Variants in STAU2 observed in about 807,000 individuals in gnomAD.
STAU2 encodes the protein double-stranded RNA-binding protein Staufen homolog 2.
STAU2 carries 20 observed loss-of-function variants against 65.9 expected under a neutral mutation model. That is an observed-to-expected ratio of 0.30 (90% CI 0.21 to 0.44). The LOEUF (loss-of-function observed/expected upper bound fraction) is 0.44, where lower values mean the gene tolerates loss of function less well. Ranked by LOEUF, STAU2 falls within the 20% of genes least tolerant of loss-of-function variation. The probability of loss-of-function intolerance (pLI) is 1.00; values close to 1 mark genes in which losing one functional copy is unlikely to be tolerated. For synonymous variants in STAU2, 232 were observed against 233.9 expected (o/e 0.99, Z 0.07); for missense variants, 558 against 683.9 (o/e 0.82, Z 2.05).
At chr8:73,591,882 T>TTAAAAA (rs1810806186) in intron 11 of STAU2, among the ~76,000 whole-genome samples, 1 of 28,460 alleles carries the variant, frequency 3.5e-5, no homozygotes, top group Non-Finnish European at 6.5e-5. Context: ...ATCCCAGAGG[T>TTAAAAA]AAAAAAAAAA....
chr8:73,465,638 A>G (rs944943432), intron 13 of STAU2, among the ~76,000 whole-genome samples: 1 of 152,126 alleles, frequency 6.6e-6, no homozygotes, highest in Non-Finnish European at 1.5e-5. Flanking sequence ...GATGCTGAAC[A>G]CCAATCATTC....
rs181987358 is a variant in STAU2 at position 73,487,795 on chromosome 8, G to T, written c.1530+64217C>A. On this transcript the variant is annotated intron_variant, in intron 13 of 14. Transcript: ENST00000524300. Reference sequence around the variant, plus strand: ...CTACCACAAAAGAAAACCAAAATTTGGGATCCAAGAAAGGAGAGGTTAAGT... The same window carrying T: ...CTACCACAAAAGAAAACCAAAATTTTGGATCCAAGAAAGGAGAGGTTAAGT... Among the ~76,000 whole-genome samples, 131 of 151,980 alleles carry T rather than the reference G, an allele frequency of 8.6e-4. 3 individuals carry two copies. The highest frequency in any genetic ancestry group is 2.8e-3 in the African/African-American group (118 of 41,478).
At chr8:73,505,990 A>C (rs928868750) in intron 13 of STAU2, among the ~76,000 whole-genome samples, 3 of 151,912 alleles carry the variant, frequency 2.0e-5, no homozygotes, top group African/African-American at 4.8e-5. Flanking sequence ...GCCTGCTCCC[A>C]CTTAGCCTTC....
chr8:73,484,222 A>T (rs1262321006), intron 13 of STAU2, among the ~76,000 whole-genome samples: 1 of 152,178 alleles, frequency 6.6e-6, no homozygotes, highest in African/African-American at 2.4e-5. Context: ...TATAAAAACA[A>T]TGTCAAAAAT....
At chr8:73,639,758 T>A (rs568192548) in intron 6 of STAU2, among the ~76,000 whole-genome samples, 10 of 152,216 alleles carry the variant, frequency 6.6e-5, no homozygotes, top group African/African-American at 2.4e-4. Context: ...ATTATTTTTA[T>A]CTCTCCCAAA....
chr8:73,738,891 G>A (rs1204617110), intron 2 of STAU2, among the ~76,000 whole-genome samples: 1 of 152,146 alleles, frequency 6.6e-6, no homozygotes, highest in Non-Finnish European at 1.5e-5. Context: ...TTATCTTGCT[G>A]AATAGTTTCT....
At chr8:73,743,216 G>A (rs1419825155) in intron 1 of STAU2, among the ~76,000 whole-genome samples, 2 of 150,556 alleles carry the variant, frequency 1.3e-5, no homozygotes, top group African/African-American at 2.4e-5. Context: ...AAATAACACA[G>A]GCCAGAAAAA....
At chr8:73,688,553 A>G (rs1819113356) in intron 5 of STAU2, 101 bp downstream of exon 5, 3 of 1,217,236 alleles carry the variant, frequency 2.5e-6, no homozygotes, top group South Asian at 1.3e-5. Flanking sequence ...TATGTGTACT[A>G]TTAATACTTG....
Position 73,485,728 on chromosome 8 carries a change from G to T in STAU2, c.1531-63026C>A, listed in dbSNP as rs75802329. Among the ~76,000 whole-genome samples, 871 of 152,204 alleles carry T rather than the reference G, an allele frequency of 5.7e-3. 8 individuals carry two copies. The highest frequency in any genetic ancestry group is 6.0e-3 in the South Asian group (29 of 4,826). On this transcript the variant is annotated intron_variant, in intron 13 of 14. Coordinates refer to ENST00000524300, the MANE Select transcript of STAU2 (RefSeq NM_001164380.2). ...ACAAGCCTATAGTCCCAGCTACTCA[G>T]GAGGCTGAGGCAGGAGGACTACTTG...
chr8:73,611,926 C>A (rs143763075), intron 9 of STAU2, among the ~76,000 whole-genome samples: 1 of 152,142 alleles, frequency 6.6e-6, no homozygotes, highest in African/African-American at 2.4e-5. Context: ...AAATGATCCA[C>A]CCGCCTCAGC....
intron 13 of STAU2, among the ~76,000 whole-genome samples, chr8:73,482,090 G>T (rs1820662780): frequency 6.6e-6 from 1 of 152,110 alleles, no homozygotes; most frequent in Non-Finnish European, 1.5e-5. Flanking sequence ...TCCGAGGTGT[G>T]GGGCCACACT....
rs188398030 is a variant in STAU2, at chr8:73,564,697, T to C, written c.1223-12378A>G. Among the ~76,000 whole-genome samples the C allele has an allele frequency of 2.0e-3, 310 of 152,174 alleles. 1 individual carries two copies. Among genetic ancestry groups the C allele is most frequent in the African/African-American group, 6.8e-3 (283 of 41,518 alleles). Reference sequence around the variant, plus strand: ...AAAAAAAGAAAATATACTCAGTGGGTCCTCAAATAATGTTGTTTTGTTCAA... The same window carrying C: ...AAAAAAAGAAAATATACTCAGTGGGCCCTCAAATAATGTTGTTTTGTTCAA... On this transcript the variant is annotated intron_variant, in intron 12 of 14. Coordinates refer to ENST00000524300, the MANE Select transcript of STAU2 (RefSeq NM_001164380.2).
chr8:73,459,728 G>A (rs16938663), intron 13 of STAU2, among the ~76,000 whole-genome samples: 2 of 152,086 alleles, frequency 1.3e-5, no homozygotes, highest in Admixed American at 1.3e-4. Context: ...TCACACCCAC[G>A]CTGTTGTCAC....
intron 13 of STAU2, among the ~76,000 whole-genome samples, chr8:73,466,235 G>C (rs748838153): frequency 1.3e-5 from 2 of 152,054 alleles, no homozygotes; most frequent in Admixed American, 6.5e-5. Context: ...TGGTTTTCTG[G>C]GTTTTAGACT....
rs1822695523 is a variant in STAU2, at chr8:73,515,918, G to C, written c.1530+36094C>G. On this transcript the variant is annotated intron_variant, in intron 13 of 14. Coordinates refer to ENST00000524300, the MANE Select transcript of STAU2 (RefSeq NM_001164380.2). Reference sequence around the variant, plus strand: ...AGTAAGACATTTAAGTGTGGGTCTTGATAGGGCACTGACTCTTTTTTTTTT... The same window carrying C: ...AGTAAGACATTTAAGTGTGGGTCTTCATAGGGCACTGACTCTTTTTTTTTT... 2.0e-5 allele frequency among the ~76,000 whole-genome samples: 3 copies of C among 147,502 alleles called. No individual in the cohort carries two copies. The Admixed American group carries it at 2.1e-4, about 10-fold the overall frequency.
chr8:73,714,103 A>G (rs1369313490), intron 3 of STAU2, among the ~76,000 whole-genome samples: 3 of 151,792 alleles, frequency 2.0e-5, no homozygotes, highest in African/African-American at 4.8e-5. Context: ...GGGTTTCTCC[A>G]TATTGGTCAC....
Position 73,614,678 on chromosome 8 carries a change from C to T in STAU2, c.679-722G>A, listed in dbSNP as rs992037201. On this transcript the variant is annotated intron_variant, in intron 8 of 14. Transcript: ENST00000524300. ...ATCATTATAAACATCAGATATCCTA[C>T]ATCATAATATATTGATGTTCCCAAG... 1.2e-4 allele frequency among the ~76,000 whole-genome samples: 19 copies of T among 152,078 alleles called. No individual in the cohort carries two copies. In the East Asian group the frequency reaches 1.3e-3, roughly 11 times the overall value.
At chr8:73,745,525 G>T (rs973277777) in intron 1 of STAU2, among the ~76,000 whole-genome samples, 2 of 152,190 alleles carry the variant, frequency 1.3e-5, no homozygotes, top group African/African-American at 4.8e-5. Context: ...CTGAAACACA[G>T]GATGCATCAG....
Position 73,617,439 on chromosome 8 carries a change from T to C in STAU2, c.423A>G (p.Pro141=), listed in dbSNP as rs1812909058. 5.6e-6 allele frequency: 9 copies of C among 1,613,010 alleles called. No homozygotes were observed. The highest frequency in any genetic ancestry group is 7.6e-6 in the Non-Finnish European group (9 of 1,179,750). Residue 141 remains proline, a synonymous_variant, in exon 7 of 15, where the codon CCA becomes CCG. Coordinates refer to ENST00000524300, the MANE Select transcript of STAU2 (RefSeq NM_001164380.2). ...RGMYNQRYHC[P]VPKIFYVQLT... ...GCTGAACATAAAAGATCTTAGGCAC[T>C]GGGCAATGATACCTAAAATAAGAAA...
Sources: gnomAD v4.1 joint callset for allele counts (sites outside exome capture counted in the v4.1 genomes callset) on GRCh38, gnomAD v4.1.1 for gene constraint, MANE v1.5 for transcripts, NCBI Gene and HGNC (gene_info 2026-07-23, HGNC 2026-07-21) for gene names.